The following CBFA2T3 variants were observed in gnomAD, a reference collection of about 807,000 sequenced individuals.
CBFA2T3 encodes CBFA2/RUNX1 partner transcriptional co-repressor 3, also known as transcriptional corepressor CBFA2T3.
A neutral mutation model predicts 58.6 loss-of-function variants in CBFA2T3; 31 were observed. The ratio of observed to expected loss-of-function variants is 0.53; its 90% CI spans 0.40 to 0.71. The LOEUF is 0.71. Among genes scored for constraint, CBFA2T3 ranks in the 30% least tolerant of loss-of-function variants. The probability of loss-of-function intolerance (pLI) is 0.00; values close to 1 mark genes in which losing one functional copy is unlikely to be tolerated. For missense variants in CBFA2T3, 1,076 were observed against 963.1 expected, an observed-to-expected ratio of 1.12 and a Z score of -1.55; for synonymous variants, 531 against 421.9, an observed-to-expected ratio of 1.26 and a Z score of -3.17.
rs552296376 is a variant in CBFA2T3 at position 88,913,651 on chromosome 16, C to A, written c.152-11995G>T. On this transcript the variant is annotated intron_variant, in intron 1 of 11. Transcript: ENST00000268679. The stretch of plus-strand genomic sequence containing the variant: ...ACACCTCATTCCTCCGTGGGGGGGT[C>A]TCAGCCGGGACCAGCAATTCCACCT... 2.0e-5 allele frequency among the ~76,000 whole-genome samples: 3 copies of A among 152,302 alleles called. No homozygotes were observed. The South Asian group carries it at 6.2e-4, about 32-fold the overall frequency.
rs988207245 is a variant in CBFA2T3 at position 88,940,730 on chromosome 16, T to A, written c.151+35927A>T. Among the ~76,000 whole-genome samples, 4 of 151,928 alleles carry A rather than the reference T, an allele frequency of 2.6e-5. No individual in the cohort carries two copies. The East Asian group carries it at 7.8e-4, about 30-fold the overall frequency. ...TCCGTCACGCGGGCCGCGGGGCCTT[T>A]GTTAGGAAAACCGGGCGGCCCCAGG... On this transcript the variant is annotated intron_variant, in intron 1 of 11. Transcript: ENST00000268679.
Position 88,875,099 on chromosome 16 carries a change from G to T in CBFA2T3, c.*1877C>A. On this transcript the variant is annotated 3_prime_UTR_variant, in exon 12 of 12. Coordinates refer to ENST00000268679, the MANE Select transcript of CBFA2T3 (RefSeq NM_005187.6). Reference sequence around the variant, plus strand: ...GGCCACGCCACGCGCACAGATGCCAGGCCACGGGCCACGCCACACACACAG... The same window carrying T: ...GGCCACGCCACGCGCACAGATGCCATGCCACGGGCCACGCCACACACACAG... 4.3e-6 allele frequency: 1 copy of T among 234,590 alleles called. No homozygotes were observed. The highest frequency in any genetic ancestry group is 8.4e-6 in the Non-Finnish European group (1 of 119,130). 14.5% of individuals were successfully genotyped at this position (234,590 alleles called of 1,614,324 possible). A position where few individuals can be genotyped will look rare whatever the true frequency, so the allele number is the denominator to read the frequency against.
At position 88,875,124 on chromosome 16, in the gene CBFA2T3, G is replaced by C. The variant is rs1968781644; in HGVS notation, c.*1852C>G. On this transcript the variant is annotated 3_prime_UTR_variant, in exon 12 of 12. Transcript: ENST00000268679. ...GGCCACGGGCCACGCCACACACACA[G>C]ATGCCAGGCCACGGGCCACGCCACG... The C allele has an allele frequency of 8.5e-6, 2 of 234,422 alleles. No homozygotes were observed. 14.5% of individuals were successfully genotyped at this position (234,422 alleles called of 1,614,324 possible). A position where few individuals can be genotyped will look rare whatever the true frequency, so the allele number is the denominator to read the frequency against.
intron 3 of CBFA2T3, among the ~76,000 whole-genome samples, chr16:88,894,589 TACACATGCACACAATGTAC>T (rs1201929963): frequency 1.4e-5 from 2 of 146,712 alleles, no homozygotes; most frequent in Non-Finnish European, 3.0e-5. Flanking sequence ...TGCATACATA[TACACATGCACACAATGTAC>T]ACACATGCAC....
chr16:88,963,972 A>G (rs1567637691), intron 1 of CBFA2T3, among the ~76,000 whole-genome samples: 1 of 152,240 alleles, frequency 6.6e-6, no homozygotes, highest in Non-Finnish European at 1.5e-5. Flanking sequence ...GAGAAAGAGA[A>G]GAGCTCTGTC....
chr16:88,885,095 G>C lies in CBFA2T3; in HGVS notation c.1068C>G (p.Ala356=). 6.2e-7 allele frequency: 1 copy of C among 1,602,654 alleles called. No individual in the cohort carries two copies. Among genetic ancestry groups the C allele is most frequent in the Non-Finnish European group, 8.5e-7 (1 of 1,177,638 alleles). Residue 356 remains alanine, a synonymous_variant, in exon 7 of 12, where the codon GCC becomes GCG. Coordinates refer to ENST00000268679, the MANE Select transcript of CBFA2T3 (RefSeq NM_005187.6). The surrounding 1 kb of genome is among the most constrained non-coding windows in gnomAD (Gnocchi z 5.3). ...GCTCCCGGGGGTCTGGGTGGCGGTAGGCATCTCGGAAGTGGTGGGCCATGG... is the reference window on the plus strand; with the variant it reads ...GCTCCCGGGGGTCTGGGTGGCGGTACGCATCTCGGAAGTGGTGGGCCATGG... ...DIAMAHHFRD[A]YRHPDPRELR...
intron 2 of CBFA2T3, among the ~76,000 whole-genome samples, chr16:88,900,467 C>A (rs566397014): frequency 2.0e-5 from 3 of 152,354 alleles, no homozygotes; most frequent in Admixed American, 1.3e-4. Flanking sequence ...TGGCCTATAG[C>A]CACCCGGTGC....
At chr16:88,904,715 C>A (rs1970236887) in intron 1 of CBFA2T3, among the ~76,000 whole-genome samples, 1 of 150,896 alleles carries the variant, frequency 6.6e-6, no homozygotes, top group South Asian at 2.1e-4. Context: ...CCTTTCCGGG[C>A]CCCACCCCGG....
chr16:88,921,481 C>CG (rs1274732438), intron 1 of CBFA2T3, among the ~76,000 whole-genome samples: 1 of 152,092 alleles, frequency 6.6e-6, no homozygotes, highest in Non-Finnish European at 1.5e-5. Context: ...CGATCCAGGG[C>CG]GGCGAGTGGG....
chr16:88,922,976 G>A (rs559177752), intron 1 of CBFA2T3, among the ~76,000 whole-genome samples: 3 of 151,786 alleles, frequency 2.0e-5, no homozygotes, highest in African/African-American at 7.3e-5. Flanking sequence ...GGTGCACAGC[G>A]GACGGACAGA....
At chr16:88,969,380 C>A (rs1373584075) in intron 1 of CBFA2T3, among the ~76,000 whole-genome samples, 4 of 152,250 alleles carry the variant, frequency 2.6e-5, no homozygotes, top group Non-Finnish European at 5.9e-5. Context: ...TGCCTCCTGG[C>A]CTTGGCAGGG....
chr16:88,900,623 G>A (rs1422244982), intron 2 of CBFA2T3, among the ~76,000 whole-genome samples: 1 of 152,186 alleles, frequency 6.6e-6, no homozygotes, highest in Non-Finnish European at 1.5e-5. Flanking sequence ...GGGTCCCCCA[G>A]GTACGGGGCT....
At position 88,877,182 on chromosome 16, in the gene CBFA2T3, C is replaced by G. The variant is rs755014831; in HGVS notation, c.1756G>C (p.Glu586Gln). The G allele has an allele frequency of 1.9e-6, 3 of 1,553,674 alleles. No individual in the cohort carries two copies. The highest frequency in any genetic ancestry group is 1.4e-5 in the African/African-American group (1 of 73,200). The change falls in exon 12 of 12, where the codon GAG becomes CAG. Residue 586 changes from glutamate to glutamine, a missense_variant. Transcript: ENST00000268679. ...CGSFCQHRDW[E>Q]KHHHVCGQSL... The stretch of plus-strand genomic sequence containing the variant: ...TGGCCACACACGTGGTGATGCTTCT[C>G]CCAGTCCCGATGCTGGCAGAAGGAC...
intron 1 of CBFA2T3, chr16:88,951,146 C>A (rs1442995502): frequency 2.7e-6 from 1 of 365,408 alleles, no homozygotes; most frequent in Non-Finnish European, 5.5e-6. Flanking sequence ...TCACCCCTCC[C>A]CTGGATCGGC....
chr16:88,892,366 G>A lies in CBFA2T3; in HGVS notation c.499C>T (p.Pro167Ser), dbSNP rs375762711. The change falls in exon 4 of 12, where the codon CCA becomes TCA. Residue 167 changes from proline (P) to serine (S), a missense_variant. Pro to Ser is a moderately conservative substitution (Grantham distance 74). Coordinates refer to ENST00000268679, the MANE Select transcript of CBFA2T3 (RefSeq NM_005187.6). The part of the protein sequence containing the change: ...TASLSTQHLP[P>S]ACGARQLSKL... ...CTGAGCTGCCGGGCCCCGCAGGCTG[G>A]GGGCAGGTGCTGTGTGGACAAGGAG... The A allele has an allele frequency of 1.2e-6, 2 of 1,613,496 alleles. No homozygotes were observed. The highest frequency in any genetic ancestry group is 1.1e-5 in the South Asian group (1 of 91,078).
At chr16:88,878,157 C>T (rs973067717) in intron 11 of CBFA2T3, among the ~76,000 whole-genome samples, 2 of 152,236 alleles carry the variant, frequency 1.3e-5, no homozygotes, top group Non-Finnish European at 2.9e-5. Context: ...TGTCACCTGC[C>T]GTGAGGCCTC....
intron 1 of CBFA2T3, among the ~76,000 whole-genome samples, chr16:88,975,138 TGCAGCCATGTCAGAGGTCC>T (rs1972778352): frequency 6.9e-6 from 1 of 144,132 alleles, no homozygotes; most frequent in Non-Finnish European, 1.5e-5. Context: ...GCTCCTGACC[TGCAGCCATGTCAGAGGTCC>T]ACCCTGACCC....
chr16:88,916,055 T>C (rs753998179), intron 1 of CBFA2T3, among the ~76,000 whole-genome samples: 34 of 151,918 alleles, frequency 2.2e-4, no homozygotes, highest in Admixed American at 3.9e-4. Context: ...CACATGGGTG[T>C]ATGTGTGCAT....
At chr16:88,952,599 C>T (rs1972105840) in intron 1 of CBFA2T3, among the ~76,000 whole-genome samples, 1 of 152,176 alleles carries the variant, frequency 6.6e-6, no homozygotes, top group Admixed American at 6.5e-5. Flanking sequence ...CCCCCATCGC[C>T]TCTCTGAGCT....
Sources: gnomAD v4.1 joint callset for allele counts (sites outside exome capture counted in the v4.1 genomes callset) on GRCh38, gnomAD v4.1.1 for gene constraint, Gnocchi (gnomAD v3.1) non-coding constraint, MANE v1.5 for transcripts, NCBI Gene and HGNC (gene_info 2026-07-23, HGNC 2026-07-21) for gene names.